SNRPN: variants seen among roughly 807,000 people sequenced by gnomAD.
SNRPN encodes small nuclear ribonucleoprotein-associated protein N.
In SNRPN, 7 loss-of-function variants were observed where a neutral mutation model predicts 25.2. The ratio of observed to expected loss-of-function variants is 0.28; its 90% CI spans 0.16 to 0.52. SNRPN has a LOEUF of 0.52. Among genes scored for constraint, SNRPN ranks in the 20% least tolerant of loss-of-function variants. SNRPN has a pLI of 0.96. For synonymous variants in SNRPN, 124 were observed against 110.6 expected (o/e 1.12, Z -0.76); for missense variants, 196 against 322.5 (o/e 0.61, Z 3.00).
intron 1 of SNRPN, among the ~76,000 whole-genome samples, chr15:24,956,534 C>A (rs2062933706): frequency 6.6e-6 from 1 of 152,188 alleles, no homozygotes; most frequent in African/African-American, 2.4e-5. Context: ...GGAAAGGATG[C>A]AGGTTGCGCA....
chr15:24,923,046 C>T (rs1456991501), intron 3 of SNRPN, among the ~76,000 whole-genome samples: 1 of 152,052 alleles, frequency 6.6e-6, no homozygotes, highest in Non-Finnish European at 1.5e-5. Context: ...ACTGGGACTA[C>T]AGGCACCTGC....
At chr15:24,837,184 C>T (rs955444672) in intron 2 of SNRPN, among the ~76,000 whole-genome samples, 11 of 151,828 alleles carry the variant, frequency 7.2e-5, no homozygotes, top group African/African-American at 1.2e-4. Flanking sequence ...GTAAAGATGT[C>T]CAAAGGTAAC....
intron 2 of SNRPN, among the ~76,000 whole-genome samples, chr15:24,831,379 T>C (rs1447187637): frequency 6.6e-6 from 1 of 152,082 alleles, no homozygotes; most frequent in Non-Finnish European, 1.5e-5. Context: ...ATGTAAAATC[T>C]TCACATCATC....
chr15:24,933,407 T>G (rs1256392557), intron 3 of SNRPN, among the ~76,000 whole-genome samples: 3 of 150,068 alleles, frequency 2.0e-5, no homozygotes, highest in Admixed American at 2.0e-4. Flanking sequence ...GTATGGTGTG[T>G]GTAGGAGCCT....
At chr15:24,926,528 C>T (rs2060391507) in intron 3 of SNRPN, among the ~76,000 whole-genome samples, 1 of 152,108 alleles carries the variant, frequency 6.6e-6, no homozygotes, top group Non-Finnish European at 1.5e-5. Flanking sequence ...CTGTTATATT[C>T]CTTCCAATTC....
intron 1 of SNRPN, among the ~76,000 whole-genome samples, chr15:24,960,459 C>T (rs2074588969): frequency 6.6e-6 from 1 of 152,014 alleles, no homozygotes; most frequent in Non-Finnish European, 1.5e-5. Flanking sequence ...CTCACCTTAG[C>T]CTCCTGAGTA....
chr15:24,957,136 A>G (rs11636807), intron 1 of SNRPN, among the ~76,000 whole-genome samples: 8,180 of 152,188 alleles, frequency 0.054, 240 homozygotes, highest in African/African-American at 0.066. Flanking sequence ...CATTTAATAA[A>G]TGTCACCATT....
At chr15:24,930,148 A>ATAAAT (rs2060708761) in intron 3 of SNRPN, among the ~76,000 whole-genome samples, 1 of 151,226 alleles carries the variant, frequency 6.6e-6, no homozygotes. Flanking sequence ...CATCTCAAAA[A>ATAAAT]TAAATAAATA....
intron 1 of SNRPN, among the ~76,000 whole-genome samples, chr15:24,825,808 T>C (rs375740254): frequency 6.6e-6 from 1 of 152,128 alleles, no homozygotes; most frequent in Admixed American, 6.5e-5. Context: ...GTTGTATGGG[T>C]ACTCGAAGTA....
chr15:24,835,432 T>C (rs561489875), intron 2 of SNRPN, among the ~76,000 whole-genome samples: 1 of 152,166 alleles, frequency 6.6e-6, no homozygotes, highest in East Asian at 1.9e-4. Context: ...TCATTTTAGA[T>C]GTTTTACTTA....
At chr15:24,853,480 G>A (rs34318108), upstream of SNRPN, among the ~76,000 whole-genome samples, 23,118 of 151,162 alleles carry the variant, frequency 0.15, 2,206 homozygotes, top group East Asian at 0.33. Context: ...TGCAAGCTCC[G>A]CCTCCCAGGT....
At chr15:24,865,483 A>G (rs2054490664) in intron 1 of SNRPN, among the ~76,000 whole-genome samples, 1 of 152,222 alleles carries the variant, frequency 6.6e-6, no homozygotes, top group Non-Finnish European at 1.5e-5. Context: ...ATCAGGAGAA[A>G]GTTACTGAAA....
intron 2 of SNRPN, chr15:24,851,467 A>G (rs1032552981): frequency 6.5e-6 from 1 of 152,916 alleles, no homozygotes; most frequent in African/African-American, 2.4e-5. Flanking sequence ...AGAGAAGAGG[A>G]AAAAATGTGT....
At chr15:24,942,481 A>G (rs1416178393) in intron 3 of SNRPN, 1 of 152,232 alleles carries the variant, frequency 6.6e-6, no homozygotes, top group African/African-American at 2.4e-5. Context: ...ACCAAATTCC[A>G]TGAGCATGGG....
chr15:24,955,079 G>A lies in SNRPN; in HGVS notation c.-391+17G>A. ...GCGGGCAAGGTCAGCTGTGCCGGTG[G>A]CTTCTCTCAAGAGACAGCCTGGGGA... On this transcript the variant is annotated intron_variant, in intron 1 of 9. Coordinates refer to ENST00000390687, the MANE Select transcript of SNRPN (RefSeq NM_003097.6). The A allele has an allele frequency of 6.2e-7, 1 of 1,613,562 alleles. No homozygotes were observed. The highest frequency in any genetic ancestry group is 8.5e-7 in the Non-Finnish European group (1 of 1,180,014).
At chr15:24,963,049 C>T (rs1435791866) in intron 2 of SNRPN, among the ~76,000 whole-genome samples, 5 of 152,132 alleles carry the variant, frequency 3.3e-5, no homozygotes, top group Middle Eastern at 3.4e-3. Context: ...AGTAAATAGC[C>T]ATCAGACCTT....
intron 7 of SNRPN, among the ~76,000 whole-genome samples, chr15:24,977,494 G>A (rs1335263861): frequency 6.6e-6 from 1 of 152,078 alleles, no homozygotes; most frequent in African/African-American, 2.4e-5. Context: ...ACAAAAATCA[G>A]CTGTGTGTGG....
chr15:24,954,696 T>C (rs997959135), upstream of SNRPN, among the ~76,000 whole-genome samples: 5 of 152,246 alleles, frequency 3.3e-5, no homozygotes, highest in Non-Finnish European at 5.9e-5. Flanking sequence ...AAAAATTTAT[T>C]GTAGAACCAA....
chr15:24,878,028 A>G (rs904105305), intron 1 of SNRPN, among the ~76,000 whole-genome samples: 2 of 152,190 alleles, frequency 1.3e-5, no homozygotes, highest in Non-Finnish European at 2.9e-5. Flanking sequence ...ACAAACACAT[A>G]AAATTTGATT....
Sources: allele counts gnomAD v4.1 joint callset (sites outside exome capture counted in the v4.1 genomes callset), GRCh38; gene constraint gnomAD v4.1.1; transcripts MANE v1.5; gene names NCBI Gene and HGNC (gene_info 2026-07-23, HGNC 2026-07-21).